The following PCDHGA10 variants were observed in gnomAD, a reference collection of about 807,000 sequenced individuals.
PCDHGA10 encodes the protein protocadherin gamma subfamily A, 10.
A neutral mutation model predicts 59.5 loss-of-function variants in PCDHGA10; 42 were observed. That is an observed-to-expected ratio of 0.71 (90% CI 0.55 to 0.91). The LOEUF (loss-of-function observed/expected upper bound fraction) is 0.91, where lower values mean the gene tolerates loss of function less well. PCDHGA10 is among the 40% of genes least tolerant of loss of function. The probability of loss-of-function intolerance (pLI) is 0.00; values close to 1 mark genes in which losing one functional copy is unlikely to be tolerated. For synonymous variants in PCDHGA10, 511 were observed against 517.2 expected, an observed-to-expected ratio of 0.99 and a Z score of 0.16; for missense variants, 1,111 against 1,198.2, an observed-to-expected ratio of 0.93 and a Z score of 1.07.
In PCDHGA10 at chr5:141,476,240, G is replaced by A. The variant is rs762604058; in HGVS notation, c.2437-18567G>A. On this transcript the variant is annotated intron_variant, in intron 1 of 3. Coordinates refer to ENST00000398610, the MANE Select transcript of PCDHGA10 (RefSeq NM_018913.3). This position sits in a 1 kb window ranked among gnomAD's most constrained non-coding sequence, Gnocchi z 7.6. ...TCACTATGAGATCCCGGAGGAAAGAGAGAAGGGTTTCGCTGTGGGCAACGT... is the reference window on the plus strand; with the variant it reads ...TCACTATGAGATCCCGGAGGAAAGAAAGAAGGGTTTCGCTGTGGGCAACGT... The A allele has an allele frequency of 4.3e-6, 7 of 1,613,986 alleles. No individual in the cohort carries two copies. The highest frequency in any genetic ancestry group is 1.7e-6 in the Non-Finnish European group (2 of 1,180,030).
chr5:141,426,311 G>C (rs895147447), intron 1 of PCDHGA10: 7 of 173,614 alleles, frequency 4.0e-5, no homozygotes, highest in Middle Eastern at 2.9e-3. Context: ...AAGCAGAGAA[G>C]CAGGACCCGG....
Position 141,490,066 on chromosome 5 carries a change from C to G in PCDHGA10, c.2437-4741C>G. ...TGATCCAGACGAGGGCACCAACGGC[C>G]AACTAGACTATTCTTTTGGAGACCA... On this transcript the variant is annotated intron_variant, in intron 1 of 3. Coordinates refer to ENST00000398610, the MANE Select transcript of PCDHGA10 (RefSeq NM_018913.3). The surrounding 1 kb of genome is among the most constrained non-coding windows in gnomAD (Gnocchi z 5.4). The G allele has an allele frequency of 1.2e-6, 2 of 1,614,248 alleles. No individual in the cohort carries two copies. Among genetic ancestry groups the G allele is most frequent in the Non-Finnish European group, 1.7e-6 (2 of 1,180,034 alleles).
In PCDHGA10 at chr5:141,413,352, G is replaced by T; in HGVS notation, c.177G>T (p.Ala59=). 6.8e-6 allele frequency: 11 copies of T among 1,613,976 alleles called. No homozygotes were observed. Among genetic ancestry groups the T allele is most frequent in the Non-Finnish European group, 9.3e-6 (11 of 1,179,902 alleles). The part of the protein sequence containing the change: ...VGNISKDLGL[A]PRELAERGVR... ...ACATCTCCAAGGACTTGGGTCTGGC[G>T]CCCCGGGAGCTGGCGGAGCGCGGAG... The change falls in exon 1 of 4, where the codon GCG becomes GCT. Residue 59 remains alanine (A), a synonymous_variant. Transcript: ENST00000398610.
rs112156044 is a variant in PCDHGA10, at chr5:141,476,771, G to A, written c.2437-18036G>A. The A allele has an allele frequency of 6.2e-7, 1 of 1,613,700 alleles. No homozygotes were observed. The highest frequency in any genetic ancestry group is 1.3e-5 in the African/African-American group (1 of 75,036). On this transcript the variant is annotated intron_variant, in intron 1 of 3. Coordinates refer to ENST00000398610, the MANE Select transcript of PCDHGA10 (RefSeq NM_018913.3). The surrounding 1 kb of genome is among the most constrained non-coding windows in gnomAD (Gnocchi z 7.6). ...CCAGTTAGTGCTGACGGCGTTGGAC[G>A]GAGGGACCCCAGCTCTCTCCGCCAG...
chr5:141,488,634 G>A (rs937680420), intron 1 of PCDHGA10, among the ~76,000 whole-genome samples: 4 of 152,150 alleles, frequency 2.6e-5, no homozygotes, highest in Non-Finnish European at 4.4e-5. Context: ...CACCTTAGCA[G>A]CATTCAGCAG....
chr5:141,423,332 C>G, intron 1 of PCDHGA10: 2 of 1,614,198 alleles, frequency 1.2e-6, no homozygotes, highest in Non-Finnish European at 1.7e-6. Flanking sequence ...GCCGCAGTCT[C>G]CTGCATCTTC....
At position 141,489,062 on chromosome 5, in the gene PCDHGA10, C is replaced by G. The variant is rs1466124551; in HGVS notation, c.2437-5745C>G. Reference sequence around the variant, plus strand: ...GCTCCACTCAAATTCAGCTCCCCTCCCCCCTGCCCACCCCCGCCACTCGGT... The same window carrying G: ...GCTCCACTCAAATTCAGCTCCCCTCGCCCCTGCCCACCCCCGCCACTCGGT... On this transcript the variant is annotated intron_variant, in intron 1 of 3. Transcript: ENST00000398610. This position sits in a 1 kb window ranked among gnomAD's most constrained non-coding sequence, Gnocchi z 4.5. 5.3e-6 allele frequency: 2 copies of G among 378,914 alleles called. No homozygotes were observed. Among genetic ancestry groups the G allele is most frequent in the Non-Finnish European group, 9.5e-6 (2 of 209,830 alleles). 23.5% of individuals were successfully genotyped at this position (378,914 alleles called of 1,614,324 possible).
In PCDHGA10 at chr5:141,431,375, G is replaced by T. The variant is rs139873616; in HGVS notation, c.2436+15764G>T. ...ACGCGCCCTGGACCGCGAAGAAAAGGCTGCTCACCACCTGGTCCTTACGGC... is the reference window on the plus strand; with the variant it reads ...ACGCGCCCTGGACCGCGAAGAAAAGTCTGCTCACCACCTGGTCCTTACGGC... On this transcript the variant is annotated intron_variant, in intron 1 of 3. Coordinates refer to ENST00000398610, the MANE Select transcript of PCDHGA10 (RefSeq NM_018913.3). This position sits in a 1 kb window ranked among gnomAD's most constrained non-coding sequence, Gnocchi z 4.8. 21 of 1,613,422 alleles carry T rather than the reference G, an allele frequency of 1.3e-5. No homozygotes were observed. The African/African-American group carries it at 2.8e-4, about 21-fold the overall frequency.
chr5:141,506,209 G>A (rs549403288), intron 3 of PCDHGA10, among the ~76,000 whole-genome samples: 3 of 152,284 alleles, frequency 2.0e-5, no homozygotes, highest in African/African-American at 7.2e-5. Context: ...CCAGCACTTT[G>A]GGAAGCTGAG....
At position 141,415,071 on chromosome 5, in the gene PCDHGA10, G is replaced by A. The variant is rs757356726; in HGVS notation, c.1896G>A (p.Thr632=). The A allele has an allele frequency of 1.3e-5, 21 of 1,613,422 alleles. No homozygotes were observed. Among genetic ancestry groups the A allele is most frequent in the East Asian group, 2.2e-5 (1 of 44,870 alleles). ...GGGAGCACACGGGCGAGGTGCGCAC[G>A]GCGCGAGCCCTGCTGGACAGAGACG... The part of the protein sequence containing the change: ...AVGEHTGEVR[T]ARALLDRDAL... Residue 632 remains threonine, a synonymous_variant, in exon 1 of 4, where the codon ACG becomes ACA. Coordinates refer to ENST00000398610, the MANE Select transcript of PCDHGA10 (RefSeq NM_018913.3).
In PCDHGA10 at chr5:141,490,598, G is replaced by A. The variant is rs141484080; in HGVS notation, c.2437-4209G>A. On this transcript the variant is annotated intron_variant, in intron 1 of 3. Transcript: ENST00000398610. This position sits in a 1 kb window ranked among gnomAD's most constrained non-coding sequence, Gnocchi z 5.4. ...TCAGATGTCAATGACAATGCACCCC[G>A]CTTCAACCAGCAGCTTTACACTGCT... 309 of 1,614,062 alleles carry A rather than the reference G, an allele frequency of 1.9e-4. 2 individuals carry two copies. Among genetic ancestry groups the A allele is most frequent in the Admixed American group, 5.0e-4 (30 of 60,018 alleles).
chr5:141,501,228 A>G (rs1054674676), intron 2 of PCDHGA10, among the ~76,000 whole-genome samples: 10 of 149,588 alleles, frequency 6.7e-5, no homozygotes, highest in African/African-American at 2.5e-4. Context: ...TAGATTTCTC[A>G]GTTTTTTGAG....
chr5:141,434,044 A>T (rs2097670450), intron 1 of PCDHGA10, among the ~76,000 whole-genome samples: 2 of 152,132 alleles, frequency 1.3e-5, no homozygotes, highest in South Asian at 4.1e-4. Flanking sequence ...TTTCTATTTT[A>T]TTCAATGGCC....
At position 141,477,966 on chromosome 5, in the gene PCDHGA10, G is replaced by T; in HGVS notation, c.2437-16841G>T. 1 of 1,614,118 alleles carries T rather than the reference G, an allele frequency of 6.2e-7. No individual in the cohort carries two copies. The highest frequency in any genetic ancestry group is 8.5e-7 in the Non-Finnish European group (1 of 1,180,036). On this transcript the variant is annotated intron_variant, in intron 1 of 3. Coordinates refer to ENST00000398610, the MANE Select transcript of PCDHGA10 (RefSeq NM_018913.3). This position sits in a 1 kb window ranked among gnomAD's most constrained non-coding sequence, Gnocchi z 4.9. ...AGTCTCTTGGGATCCCCTAACCAGA[G>T]CCTTTTTGCCATAGGGCTGCACACT...
intron 2 of PCDHGA10, among the ~76,000 whole-genome samples, chr5:141,495,377 G>A (rs558501090): frequency 1.9e-4 from 29 of 152,330 alleles, no homozygotes; most frequent in Admixed American, 6.5e-4. Flanking sequence ...ACTGAGGAAG[G>A]ACTGGGCGGG....
rs1561863226 is a variant in PCDHGA10, at chr5:141,432,653, C to T, written c.2436+17042C>T. On this transcript the variant is annotated intron_variant, in intron 1 of 3. Transcript: ENST00000398610. The surrounding 1 kb of genome is among the most constrained non-coding windows in gnomAD (Gnocchi z 6.0). Reference sequence around the variant, plus strand: ...GGGCGAGGTGCGCACGGCGCGAGCCCTGCTGGACAGAGACGCGCTCAAGCA... The same window carrying T: ...GGGCGAGGTGCGCACGGCGCGAGCCTTGCTGGACAGAGACGCGCTCAAGCA... 5 of 1,613,852 alleles carry T rather than the reference C, an allele frequency of 3.1e-6. No individual in the cohort carries two copies. In the South Asian group the frequency reaches 4.4e-5, roughly 14 times the overall value.
Position 141,485,538 on chromosome 5 carries a change from A to T in PCDHGA10, c.2437-9269A>T. ...TTGGAAATGTACCGAGCAGAGGTAG[A>T]GATCGTAGATGTGAATGATCACGCC... On this transcript the variant is annotated intron_variant, in intron 1 of 3. Transcript: ENST00000398610. The surrounding 1 kb of genome is among the most constrained non-coding windows in gnomAD (Gnocchi z 5.7). The T allele has an allele frequency of 6.2e-7, 1 of 1,614,162 alleles. No individual in the cohort carries two copies. Among genetic ancestry groups the T allele is most frequent in the Admixed American group, 1.7e-5 (1 of 60,012 alleles).
intron 1 of PCDHGA10, chr5:141,420,380 C>T (rs1343046478): frequency 7.7e-7 from 1 of 1,306,574 alleles, no homozygotes; most frequent in Non-Finnish European, 1.0e-6. Flanking sequence ...TCATAGAGTT[C>T]GCAAAATATA....
intron 1 of PCDHGA10, chr5:141,428,279 C>A: frequency 2.7e-6 from 2 of 753,232 alleles, no homozygotes; most frequent in South Asian, 3.0e-5. Context: ...CCCTCTGATT[C>A]CCAAGCAAAG....
Sources: gnomAD v4.1 joint callset for allele counts (sites outside exome capture counted in the v4.1 genomes callset) on GRCh38, gnomAD v4.1.1 for gene constraint, Gnocchi (gnomAD v3.1) non-coding constraint, MANE v1.5 for transcripts, NCBI Gene and HGNC (gene_info 2026-07-23, HGNC 2026-07-21) for gene names.